Variants in SPTBN1 observed in about 807,000 individuals in gnomAD.
SPTBN1 encodes spectrin beta chain, non-erythrocytic 1.
SPTBN1 carries 32 observed loss-of-function variants against 266.4 expected under a neutral mutation model. The ratio of observed to expected loss-of-function variants is 0.12; its 90% CI spans 0.09 to 0.16. The LOEUF is 0.16. Ranked by LOEUF, SPTBN1 falls within the 10% of genes least tolerant of loss-of-function variation. The pLI is 1.00. For synonymous variants in SPTBN1, 1,336 were observed against 1,162.2 expected (o/e 1.15, Z -3.04); for missense variants, 2,296 against 3,067.1 (o/e 0.75, Z 5.94).
chr2:54,575,064 G>T (rs1351534337), intron 2 of SPTBN1, among the ~76,000 whole-genome samples: 1 of 152,192 alleles, frequency 6.6e-6, no homozygotes, highest in Non-Finnish European at 1.5e-5. Flanking sequence ...CAACATTTCT[G>T]TGAATTCAAG....
chr2:54,568,349 CAA>C (rs888478845), intron 2 of SPTBN1, among the ~76,000 whole-genome samples: 5,749 of 95,626 alleles, frequency 0.06, 220 homozygotes, highest in African/African-American at 0.18. Context: ...GACTCTGTCT[CAA>C]AAAAAAAAAA....
At chr2:54,627,567 T>C (rs1369371957) in intron 12 of SPTBN1, among the ~76,000 whole-genome samples, 1 of 152,210 alleles carries the variant, frequency 6.6e-6, no homozygotes, top group Non-Finnish European at 1.5e-5. Context: ...ATTGTGTAAG[T>C]ACAGTAGAGG....
chr2:54,665,467 GGTCTGTCTTTCTGTCAA>G (rs1372354988), intron 33 of SPTBN1, among the ~76,000 whole-genome samples: 1 of 152,100 alleles, frequency 6.6e-6, no homozygotes, highest in Non-Finnish European at 1.5e-5. Context: ...GATGGCTCTG[GGTCTGTCTTTCTGTCAA>G]GTTGCCAAGT....
chr2:54,631,045 G>C lies in SPTBN1; in HGVS notation c.2998G>C (p.Gly1000Arg). 1 of 1,613,934 alleles carries C rather than the reference G, an allele frequency of 6.2e-7. No homozygotes were observed. The highest frequency in any genetic ancestry group is 8.5e-7 in the Non-Finnish European group (1 of 1,179,822). Reference sequence around the variant, plus strand: ...CATGGCCCTGCAGCGCAAGCTGACCGGCATGGAGCGGGACTTGGTGGCCAT... The same window carrying C: ...CATGGCCCTGCAGCGCAAGCTGACCCGCATGGAGCGGGACTTGGTGGCCAT... The part of the protein sequence containing the change: ...GVMALQRKLT[G>R]MERDLVAIEA... Residue 1000 changes from glycine (G) to arginine (R), a missense_variant, in exon 16 of 36, where the codon GGC (glycine) becomes CGC (arginine). By Grantham distance (125) the Gly-to-Arg change is moderately radical (BLOSUM62 -2). Around this residue, in one of 12 missense-constraint regions of SPTBN1, gnomAD observed 128 missense variants for 176.5 expected, o/e 0.73. Transcript: ENST00000356805.
chr2:54,614,424 C>T (rs1677444330), intron 4 of SPTBN1, among the ~76,000 whole-genome samples: 1 of 151,998 alleles, frequency 6.6e-6, no homozygotes, highest in South Asian at 2.1e-4. Flanking sequence ...TCATTGCTAC[C>T]AGGATATGGC....
intron 1 of SPTBN1, among the ~76,000 whole-genome samples, chr2:54,469,087 T>A (rs1004309741): frequency 1.3e-5 from 2 of 152,210 alleles, no homozygotes; most frequent in African/African-American, 4.8e-5. Context: ...AAAGCGTTAT[T>A]TCTATTTGAT....
At position 54,657,947 on chromosome 2, in the gene SPTBN1, C is replaced by T. The variant is rs749831291; in HGVS notation, c.6144C>T (p.Ser2048=). ...PYLSSREIGQ[S]VDEVEKLIKR... ...TATCCAGCCGAGAGATAGGCCAGAG[C>T]GTGGACGAGGTGGAGAAGCTCATCA... The change falls in exon 30 of 36, where the codon AGC becomes AGT. Residue 2048 remains serine (S), a synonymous_variant. Transcript: ENST00000356805. The T allele has an allele frequency of 2.2e-5, 36 of 1,614,106 alleles. No homozygotes were observed. The highest frequency in any genetic ancestry group is 1.5e-4 in the South Asian group (14 of 91,088).
At chr2:54,485,829 G>A (rs1251793825) in intron 1 of SPTBN1, among the ~76,000 whole-genome samples, 7 of 147,904 alleles carry the variant, frequency 4.7e-5, no homozygotes, top group Non-Finnish European at 4.5e-5. Flanking sequence ...TGTGGGGAGC[G>A]CCTCTGCCCC....
intron 2 of SPTBN1, among the ~76,000 whole-genome samples, chr2:54,595,291 C>G (rs1271691932): frequency 2.0e-5 from 3 of 152,154 alleles, no homozygotes; most frequent in Non-Finnish European, 4.4e-5. Flanking sequence ...AATACGTAAG[C>G]TTAGTAAACT....
chr2:54,661,987 C>T (rs1307116213), intron 32 of SPTBN1: 4 of 985,280 alleles, frequency 4.1e-6, no homozygotes, highest in South Asian at 4.7e-5. Flanking sequence ...TGAGTGATGA[C>T]GCAGAGACTC....
intron 1 of SPTBN1, among the ~76,000 whole-genome samples, chr2:54,465,637 C>CATGTATATATA (rs1433073794): frequency 1.1e-5 from 1 of 89,724 alleles, no homozygotes; most frequent in Non-Finnish European, 2.2e-5. Context: ...TCATGTTTAT[C>CATGTATATATA]TCATATATAT....
At chr2:54,546,958 T>TAAAA (rs71975342) in intron 2 of SPTBN1, among the ~76,000 whole-genome samples, 1 of 144,088 alleles carries the variant, frequency 6.9e-6, no homozygotes, top group Non-Finnish European at 1.5e-5. Context: ...TTAATGGTGG[T>TAAAA]AAAAAAAAAA....
In SPTBN1 at chr2:54,533,684, G is replaced by A. The variant is rs571233765; in HGVS notation, c.148+7118G>A. On this transcript the variant is annotated intron_variant, in intron 2 of 35. Transcript: ENST00000356805. The surrounding 1 kb of genome is among the most constrained non-coding windows in gnomAD (Gnocchi z 4.2). ...TCCTGCCTCAGCTTCCCGAGTAGCTGGGACTACAGGCACCCGCCACCACAC... is the reference window on the plus strand; with the variant it reads ...TCCTGCCTCAGCTTCCCGAGTAGCTAGGACTACAGGCACCCGCCACCACAC... 1.1e-4 allele frequency among the ~76,000 whole-genome samples: 17 copies of A among 152,208 alleles called. No individual in the cohort carries two copies. The highest frequency in any genetic ancestry group is 2.4e-4 in the Non-Finnish European group (16 of 67,986).
chr2:54,602,668 T>G (rs1010300952), intron 3 of SPTBN1, among the ~76,000 whole-genome samples: 5 of 152,210 alleles, frequency 3.3e-5, no homozygotes, highest in Non-Finnish European at 5.9e-5. Flanking sequence ...TGATCTGTAT[T>G]CTGTCTTCTT....
At chr2:54,638,620 A>G (rs1679315770) in intron 18 of SPTBN1, among the ~76,000 whole-genome samples, 1 of 152,260 alleles carries the variant, frequency 6.6e-6, no homozygotes, top group Admixed American at 6.5e-5. Context: ...GTTGGAGAAT[A>G]GTATCTAGCT....
At chr2:54,485,645 G>A (rs1342351688) in intron 1 of SPTBN1, among the ~76,000 whole-genome samples, 1 of 152,140 alleles carries the variant, frequency 6.6e-6, no homozygotes, top group Admixed American at 6.5e-5. Flanking sequence ...TCTCTGCCTG[G>A]TCGCCCATCG....
intron 19 of SPTBN1, among the ~76,000 whole-genome samples, chr2:54,643,537 T>C (rs1679718774): frequency 6.6e-6 from 1 of 152,220 alleles, no homozygotes; most frequent in Non-Finnish European, 1.5e-5. Context: ...ATGAGACTAC[T>C]GTATACCAGG....
Position 54,616,200 on chromosome 2 carries a change from A to C in SPTBN1, c.475-7A>C, listed in dbSNP as rs1227213656. The stretch of plus-strand genomic sequence containing the variant: ...CTATTTGTCTAATATTTCTTTGTAA[A>C]TCTTAGATCCAGGATATCAGTGTGG... On this transcript the variant is annotated splice_polypyrimidine_tract_variant and splice_region_variant and intron_variant, in intron 4 of 35. Coordinates refer to ENST00000356805, the MANE Select transcript of SPTBN1 (RefSeq NM_003128.3). 1.2e-6 allele frequency: 2 copies of C among 1,612,790 alleles called. No homozygotes were observed. Among genetic ancestry groups the C allele is most frequent in the East Asian group, 2.2e-5 (1 of 44,848 alleles).
intron 1 of SPTBN1, among the ~76,000 whole-genome samples, chr2:54,471,800 ATTTT>A (rs56043354): frequency 7.5e-4 from 77 of 102,706 alleles, no homozygotes; most frequent in African/African-American, 2.2e-3. Flanking sequence ...TTTTTTATCG[ATTTT>A]TTTTTTTTTT....
Sources: allele counts gnomAD v4.1 joint callset (sites outside exome capture counted in the v4.1 genomes callset), GRCh38; gene constraint gnomAD v4.1.1; regional missense constraint gnomAD v4.1.1; non-coding constraint Gnocchi (gnomAD v3.1); transcripts MANE v1.5; gene names NCBI Gene and HGNC (gene_info 2026-07-23, HGNC 2026-07-21).